The following KCNQ1 variants were observed in gnomAD, a reference collection of about 807,000 sequenced individuals.
KCNQ1 encodes potassium voltage-gated channel subfamily Q member 1.
Under a neutral mutation model 72.4 loss-of-function variants are expected in KCNQ1, and 49 were observed. The observed-to-expected ratio is 0.68, with a 90% CI of 0.54 to 0.86. The LOEUF is 0.86. Among genes scored for constraint, KCNQ1 ranks in the 40% least tolerant of loss-of-function variants. The pLI, the probability that KCNQ1 is intolerant of heterozygous loss-of-function variation, is 0.00. For missense variants in KCNQ1, 790 were observed against 945.1 expected (o/e 0.84, Z 2.15); for synonymous variants, 450 against 412.6 (o/e 1.09, Z -1.10).
At position 2,617,051 on chromosome 11, in the gene KCNQ1, C is replaced by A; in HGVS notation, c.1393+28197C>A. 2.5e-6 allele frequency: 1 copy of A among 397,936 alleles called. No homozygotes were observed. Among genetic ancestry groups the A allele is most frequent in the East Asian group, 3.6e-5 (1 of 28,032 alleles). The allele number at this position is 397,936 out of a possible 1,614,324, so 24.7% of individuals were successfully genotyped here. A position where few individuals can be genotyped will look rare whatever the true frequency, so the allele number is the denominator to read the frequency against. On this transcript the variant is annotated intron_variant, in intron 10 of 15. Transcript: ENST00000155840. This position sits in a 1 kb window ranked among gnomAD's most constrained non-coding sequence, Gnocchi z 4.6. ...AACATAGTGATGCAAATTAATATGT[C>A]CATCATCTCACAGTTATTCTTTTGT... is the stretch of plus-strand genomic sequence containing the variant.
intron 1 of KCNQ1, among the ~76,000 whole-genome samples, chr11:2,455,857 A>G (rs566158436): frequency 1.3e-5 from 2 of 152,366 alleles, no homozygotes; most frequent in East Asian, 1.9e-4. Flanking sequence ...CATATAGACC[A>G]ATGGAACAGA....
intron 2 of KCNQ1, among the ~76,000 whole-genome samples, chr11:2,531,246 C>G (rs972074822): frequency 7.3e-5 from 11 of 150,598 alleles, no homozygotes; most frequent in Non-Finnish European, 1.3e-4. Flanking sequence ...CCGTCTGCAG[C>G]TCGAGAATTA....
chr11:2,673,529 G>C lies in KCNQ1; in HGVS notation c.1514+11448G>C. 5.0e-6 allele frequency: 2 copies of C among 398,658 alleles called. No individual in the cohort carries two copies. The highest frequency in any genetic ancestry group is 8.8e-6 in the Non-Finnish European group (2 of 226,092). The allele number at this position is 398,658 out of a possible 1,614,324, so 24.7% of individuals were successfully genotyped here. A position where few individuals can be genotyped will look rare whatever the true frequency, so the allele number is the denominator to read the frequency against. ...TGTTGATGCTGACAGCCTGTAGAAAGATTGCTCTCAGCCTATCCCCTCCCT... is the reference window on the plus strand; with the variant it reads ...TGTTGATGCTGACAGCCTGTAGAAACATTGCTCTCAGCCTATCCCCTCCCT... On this transcript the variant is annotated intron_variant, in intron 11 of 15. Coordinates refer to ENST00000155840, the MANE Select transcript of KCNQ1 (RefSeq NM_000218.3). The surrounding 1 kb of genome is among the most constrained non-coding windows in gnomAD (Gnocchi z 4.5).
At position 2,740,624 on chromosome 11, in the gene KCNQ1, G is replaced by A. The variant is rs531973216; in HGVS notation, c.1515-28220G>A. ...TTTCCTGTGGCTGCTGGAACAAGTC[G>A]CCAAAATTTTGGTGGCCTAAAATCA... On this transcript the variant is annotated intron_variant, in intron 11 of 15. Coordinates refer to ENST00000155840, the MANE Select transcript of KCNQ1 (RefSeq NM_000218.3). 7.2e-5 allele frequency among the ~76,000 whole-genome samples: 11 copies of A among 152,308 alleles called. No individual in the cohort carries two copies. In the South Asian group the frequency reaches 1.2e-3, roughly 17 times the overall value.
At chr11:2,743,418 G>A (rs560399506) in intron 11 of KCNQ1, among the ~76,000 whole-genome samples, 2 of 152,344 alleles carry the variant, frequency 1.3e-5, no homozygotes, top group Admixed American at 6.5e-5. Flanking sequence ...TTCACTTAGG[G>A]GTAGAAATTA....
At chr11:2,633,109 T>C (rs927006815) in intron 10 of KCNQ1, 1 of 398,438 alleles carries the variant, frequency 2.5e-6, no homozygotes, top group African/African-American at 2.1e-5. Context: ...ACAGCCATTC[T>C]AACTGAGGTG....
chr11:2,790,918 CA>C (rs1847009020), intron 15 of KCNQ1, among the ~76,000 whole-genome samples: 1 of 152,168 alleles, frequency 6.6e-6, no homozygotes, highest in Non-Finnish European at 1.5e-5. Flanking sequence ...CCCAGCTATC[CA>C]GCGGCTTCCT....
intron 7 of KCNQ1, 125 bp from the exon 8 acceptor site, chr11:2,585,087 G>T: frequency 1.2e-6 from 1 of 837,790 alleles, no homozygotes; most frequent in South Asian, 1.4e-5. Context: ...GGTGGGACTT[G>T]GGGGGGCTTC....
rs555374187 is a variant in KCNQ1 at position 2,761,247 on chromosome 11, G to A, written c.1515-7597G>A. Reference sequence around the variant, plus strand: ...CAGCCAAACCCTTCATCGTTCCTCCGGTCAATGGTCTGCCGGCCTGTCGGT... The same window carrying A: ...CAGCCAAACCCTTCATCGTTCCTCCAGTCAATGGTCTGCCGGCCTGTCGGT... On this transcript the variant is annotated intron_variant, in intron 11 of 15. Coordinates refer to ENST00000155840, the MANE Select transcript of KCNQ1 (RefSeq NM_000218.3). Among the ~76,000 whole-genome samples the A allele has an allele frequency of 8.6e-5, 13 of 151,900 alleles. No individual in the cohort carries two copies. In the South Asian group the frequency reaches 1.0e-3, roughly 12 times the overall value.
At chr11:2,532,162 C>T (rs1412387575) in intron 2 of KCNQ1, among the ~76,000 whole-genome samples, 1 of 152,212 alleles carries the variant, frequency 6.6e-6, no homozygotes, top group East Asian at 1.9e-4. Context: ...GTTCTGGGTT[C>T]ATGGGGCTCT....
chr11:2,813,199 C>T lies in KCNQ1; in HGVS notation c.1795-34568C>T, dbSNP rs1847528576. On this transcript the variant is annotated intron_variant, in intron 15 of 15. Transcript: ENST00000155840. The surrounding 1 kb of genome is among the most constrained non-coding windows in gnomAD (Gnocchi z 4.4). ...ATGAGTCACCTGTCAAACTGAGGGGCTGGCAGAGCTGGAGGGAGTTCCATC... is the reference window on the plus strand; with the variant it reads ...ATGAGTCACCTGTCAAACTGAGGGGTTGGCAGAGCTGGAGGGAGTTCCATC... Among the ~76,000 whole-genome samples, 1 of 152,190 alleles carries T rather than the reference C, an allele frequency of 6.6e-6. No homozygotes were observed. Among genetic ancestry groups the T allele is most frequent in the Non-Finnish European group, 1.5e-5 (1 of 68,030 alleles).
At chr11:2,470,607 TGATA>T (rs1846432665) in intron 1 of KCNQ1, among the ~76,000 whole-genome samples, 2 of 151,396 alleles carry the variant, frequency 1.3e-5, no homozygotes, top group Non-Finnish European at 2.9e-5. Flanking sequence ...GGGGGTGTGA[TGATA>T]CGTATCCAAC....
intron 6 of KCNQ1, among the ~76,000 whole-genome samples, chr11:2,582,060 C>G (rs948145704): frequency 3.9e-5 from 6 of 152,334 alleles, no homozygotes; most frequent in African/African-American, 1.4e-4. Flanking sequence ...GAGGCCTGTC[C>G]CGCCCTGTGG....
At chr11:2,708,177 G>T (rs1288084885) in intron 11 of KCNQ1, among the ~76,000 whole-genome samples, 2 of 152,214 alleles carry the variant, frequency 1.3e-5, no homozygotes, top group South Asian at 4.1e-4. Flanking sequence ...AGTCCTCTGT[G>T]ACTCTTTCCT....
intron 11 of KCNQ1, among the ~76,000 whole-genome samples, chr11:2,714,575 T>G (rs1590048167): frequency 6.6e-6 from 1 of 151,064 alleles, no homozygotes; most frequent in South Asian, 2.1e-4. Flanking sequence ...GAGTGTTGGG[T>G]GGACATATGG....
At chr11:2,685,114 G>A in intron 11 of KCNQ1, 1 of 398,686 alleles carries the variant, frequency 2.5e-6, no homozygotes, top group Non-Finnish European at 4.4e-6. Flanking sequence ...TGGCACGGGG[G>A]GTCTGATGGT....
At chr11:2,841,308 C>G (rs1848205097) in intron 15 of KCNQ1, among the ~76,000 whole-genome samples, 1 of 152,192 alleles carries the variant, frequency 6.6e-6, no homozygotes. Context: ...GGATTTTACT[C>G]CCAGTCCAGT....
chr11:2,814,630 GGA>G (rs1847577736), intron 15 of KCNQ1, among the ~76,000 whole-genome samples: 1 of 133,794 alleles, frequency 7.5e-6, no homozygotes, highest in African/African-American at 3.6e-5. Flanking sequence ...AGACAAGGAA[GGA>G]AGGAAGGAAG....
In KCNQ1 at chr11:2,752,417, C is replaced by T. The variant is rs75037133; in HGVS notation, c.1515-16427C>T. Among the ~76,000 whole-genome samples, 941 of 151,934 alleles carry T rather than the reference C, an allele frequency of 6.2e-3. 12 individuals carry two copies. Among genetic ancestry groups the T allele is most frequent in the African/African-American group, 0.021 (889 of 41,432 alleles). On this transcript the variant is annotated intron_variant, in intron 11 of 15. Transcript: ENST00000155840. This position sits in a 1 kb window ranked among gnomAD's most constrained non-coding sequence, Gnocchi z 5.2. ...GTGCCAGGTGGTCTCTCGGGGGGTC[C>T]GATGGGATACCTAGTGTCTTAATCT... is the stretch of plus-strand genomic sequence containing the variant.
Sources: allele counts gnomAD v4.1 joint callset (sites outside exome capture counted in the v4.1 genomes callset), GRCh38; gene constraint gnomAD v4.1.1; non-coding constraint Gnocchi (gnomAD v3.1); transcripts MANE v1.5; gene names NCBI Gene and HGNC (gene_info 2026-07-23, HGNC 2026-07-21).